Variants in BEND4 observed in about 807,000 individuals in gnomAD.
BEND4 encodes BEN domain containing 4, also known as BEN domain-containing protein 4.
A neutral mutation model predicts 54.7 loss-of-function variants in BEND4; 27 were observed. The ratio of observed to expected loss-of-function variants is 0.49; its 90% CI spans 0.36 to 0.68. The LOEUF (loss-of-function observed/expected upper bound fraction) is 0.68. Ranked by LOEUF, BEND4 falls within the 30% of genes least tolerant of loss-of-function variation. BEND4 has a pLI of 0.00. For synonymous variants in BEND4, 327 were observed against 299.5 expected (o/e 1.09, Z -0.95); for missense variants, 702 against 697.2 (o/e 1.01, Z -0.08).
intron 2 of BEND4, among the ~76,000 whole-genome samples, chr4:42,145,712 T>C (rs920316845): frequency 1.5e-4 from 23 of 149,552 alleles, no homozygotes; most frequent in African/African-American, 3.2e-4. Context: ...AAAAAGAATA[T>C]ATATGTAAAG....
At chr4:42,126,964 T>C (rs1720312293) in intron 3 of BEND4, among the ~76,000 whole-genome samples, 1 of 152,234 alleles carries the variant, frequency 6.6e-6, no homozygotes, top group South Asian at 2.1e-4. Flanking sequence ...TTCTTAGCTG[T>C]GTGTTTTCTT....
rs80147130 is a variant in BEND4, at chr4:42,142,186, G to A, written c.1054+1242C>T. 1.7e-4 allele frequency among the ~76,000 whole-genome samples: 26 copies of A among 151,650 alleles called. No homozygotes were observed. In the East Asian group the frequency reaches 3.2e-3, roughly 18 times the overall value. ...CTCCCAAAGTGCTGGGATTACAGGC[G>A]TGAGCCACTGCGCCCGGCCTCAAGC... On this transcript the variant is annotated intron_variant, in intron 3 of 5. Coordinates refer to ENST00000502486, the MANE Select transcript of BEND4 (RefSeq NM_207406.4).
intron 3 of BEND4, among the ~76,000 whole-genome samples, chr4:42,130,085 C>T (rs917257884): frequency 2.6e-5 from 4 of 152,108 alleles, no homozygotes; most frequent in Non-Finnish European, 5.9e-5. Context: ...AAAAAGTGGG[C>T]AAAGGACATG....
chr4:42,112,710 C>T lies in BEND4; in HGVS notation c.*4808G>A, dbSNP rs952302062. ...TAACCTGCAACTGAACATATTGTGG[C>T]GTGTGAAAGTGGTCTCTAATGTGTA... On this transcript the variant is annotated 3_prime_UTR_variant, in exon 6 of 6. Coordinates refer to ENST00000502486, the MANE Select transcript of BEND4 (RefSeq NM_207406.4). The T allele has an allele frequency of 6.6e-6, 1 of 152,182 alleles. No homozygotes were observed. Among genetic ancestry groups the T allele is most frequent in the South Asian group, 2.1e-4 (1 of 4,812 alleles). 9.4% of individuals were successfully genotyped at this position (152,182 alleles called of 1,614,324 possible).
Position 42,151,760 on chromosome 4 carries a change from C to G in BEND4, c.384G>C (p.Ser128=), listed in dbSNP as rs1450260593. 6 of 1,498,542 alleles carry G rather than the reference C, an allele frequency of 4.0e-6. No homozygotes were observed. The highest frequency in any genetic ancestry group is 2.8e-5 in the East Asian group (1 of 35,252). The allele number at this position is 1,498,542 out of a possible 1,614,324, so 92.8% of individuals were successfully genotyped here. Residue 128 remains serine, a synonymous_variant, in exon 2 of 6, where the codon TCG becomes TCC. Coordinates refer to ENST00000502486, the MANE Select transcript of BEND4 (RefSeq NM_207406.4). ...TGACGACAGCGGCGAACGAAGACGA[C>G]GAGGAGGCGGCGGGGGACGCGGGCG... is the stretch of plus-strand genomic sequence containing the variant. ...QPPPASPAAS[S]SSSFAAVVRY...
At position 42,143,742 on chromosome 4, in the gene BEND4, C is replaced by G; in HGVS notation, c.740G>C (p.Arg247Thr). The change falls in exon 3 of 6, where the codon AGG becomes ACG. Residue 247 changes from arginine to threonine, a missense_variant. By Grantham distance (71) the Arg-to-Thr change is moderately conservative (BLOSUM62 -1). Coordinates refer to ENST00000502486, the MANE Select transcript of BEND4 (RefSeq NM_207406.4). ...ATTTTGTAGAGAGTCAGTGAAAACC[C>G]TCAAAAAGGCAGAAGTTTGTTGTTT... ...QRKQQTSAFL[R>T]VFTDSLQNYL... is the part of the protein sequence containing the mutation. The G allele has an allele frequency of 5.6e-6, 9 of 1,613,984 alleles. No homozygotes were observed. The highest frequency in any genetic ancestry group is 7.6e-6 in the Non-Finnish European group (9 of 1,179,888).
At chr4:42,137,016 T>C (rs550533750) in intron 3 of BEND4, among the ~76,000 whole-genome samples, 2 of 152,318 alleles carry the variant, frequency 1.3e-5, no homozygotes, top group East Asian at 1.9e-4. Flanking sequence ...AGTGACTTTA[T>C]AGAACATAAC....
At chr4:42,144,204 A>G in intron 2 of BEND4, 5 of 604,296 alleles carry the variant, frequency 8.3e-6, no homozygotes, top group Non-Finnish European at 1.5e-5. Flanking sequence ...AGTCACACGC[A>G]GTCTCTTGCT....
At chr4:42,119,867 ACG>A (rs1246478465) in intron 5 of BEND4, 185 bp downstream of exon 5, 5 of 649,612 alleles carry the variant, frequency 7.7e-6, no homozygotes, top group African/African-American at 3.6e-5. Flanking sequence ...GAGAACAACA[ACG>A]CTAAGGCAAA....
At chr4:42,136,687 C>A (rs73155327) in intron 3 of BEND4, among the ~76,000 whole-genome samples, 1 of 152,118 alleles carries the variant, frequency 6.6e-6, no homozygotes, top group African/African-American at 2.4e-5. Flanking sequence ...ATTTTTGTGA[C>A]TTTTGTTGGT....
intron 3 of BEND4, among the ~76,000 whole-genome samples, chr4:42,135,985 T>C (rs1720684106): frequency 6.6e-6 from 1 of 152,182 alleles, no homozygotes; most frequent in Admixed American, 6.5e-5. Flanking sequence ...GTGTCACTGA[T>C]AGTTGTAACC....
chr4:42,123,343 T>G (rs1720135464), intron 4 of BEND4, among the ~76,000 whole-genome samples: 1 of 152,128 alleles, frequency 6.6e-6, no homozygotes, highest in Non-Finnish European at 1.5e-5. Flanking sequence ...AGAATTCTGG[T>G]TGTATATTTT....
At chr4:42,121,808 A>G (rs1168777058) in intron 4 of BEND4, among the ~76,000 whole-genome samples, 1 of 152,216 alleles carries the variant, frequency 6.6e-6, no homozygotes, top group Non-Finnish European at 1.5e-5. Context: ...AGGGCTAGGC[A>G]ACCAATTCCA....
intron 3 of BEND4, among the ~76,000 whole-genome samples, chr4:42,133,065 G>A (rs1433085788): frequency 6.6e-6 from 1 of 152,168 alleles, no homozygotes; most frequent in East Asian, 1.9e-4. Context: ...AAGGAAATAA[G>A]GAAGGTCTTT....
At chr4:42,122,941 T>C (rs2153144913) in intron 4 of BEND4, among the ~76,000 whole-genome samples, 1 of 152,282 alleles carries the variant, frequency 6.6e-6, no homozygotes, top group South Asian at 2.1e-4. Flanking sequence ...AATGGTCTAT[T>C]TCAAGATGGG....
chr4:42,117,529 A>G lies in BEND4; in HGVS notation c.1594T>C (p.Ser532Pro). ...EVFNKSSQDG[S>P]GD ...GAAGATTCTGTCCACTAATCCCCAGATCCATCCTGGGAACTTTTATTGAAG... is the reference window on the plus strand; with the variant it reads ...GAAGATTCTGTCCACTAATCCCCAGGTCCATCCTGGGAACTTTTATTGAAG... Residue 532 changes from serine to proline, a missense_variant, in exon 6 of 6, where the codon TCT (serine) becomes CCT (proline). Coordinates refer to ENST00000502486, the MANE Select transcript of BEND4 (RefSeq NM_207406.4). 1 of 1,608,992 alleles carries G rather than the reference A, an allele frequency of 6.2e-7. No homozygotes were observed. The highest frequency in any genetic ancestry group is 1.1e-5 in the South Asian group (1 of 89,906).
intron 3 of BEND4, among the ~76,000 whole-genome samples, chr4:42,133,399 A>G (rs1396390933): frequency 6.6e-6 from 1 of 152,226 alleles, no homozygotes; most frequent in East Asian, 1.9e-4. Flanking sequence ...CTATGGTAAC[A>G]CTAGTAGACA....
chr4:42,140,073 T>C lies in BEND4; in HGVS notation c.1054+3355A>G, dbSNP rs531706760. The stretch of plus-strand genomic sequence containing the variant: ...GGCTAGTTTATTGTTTAGGTAAAAA[T>C]GGGCATTGAGAGGTAAGGGCAAGAG... On this transcript the variant is annotated intron_variant, in intron 3 of 5. Coordinates refer to ENST00000502486, the MANE Select transcript of BEND4 (RefSeq NM_207406.4). Among the ~76,000 whole-genome samples, 4 of 152,322 alleles carry C rather than the reference T, an allele frequency of 2.6e-5. No homozygotes were observed. The East Asian group carries it at 5.8e-4, about 22-fold the overall frequency.
At chr4:42,133,723 T>C (rs1056570651) in intron 3 of BEND4, among the ~76,000 whole-genome samples, 2 of 151,940 alleles carry the variant, frequency 1.3e-5, no homozygotes, top group Non-Finnish European at 2.9e-5. Context: ...GGTGTGGTGG[T>C]GGGCGCCTGT....
Sources: allele counts gnomAD v4.1 joint callset (sites outside exome capture counted in the v4.1 genomes callset), GRCh38; gene constraint gnomAD v4.1.1; transcripts MANE v1.5; gene names NCBI Gene and HGNC (gene_info 2026-07-23, HGNC 2026-07-21).